Variants in TRAF3IP3 observed in about 807,000 individuals in gnomAD.
TRAF3IP3 encodes the protein TRAF3-interacting JNK-activating modulator.
A neutral mutation model predicts 86.5 loss-of-function variants in TRAF3IP3; 64 were observed. That is an observed-to-expected ratio of 0.74 (90% CI 0.60 to 0.91). The LOEUF (loss-of-function observed/expected upper bound fraction) is 0.91, where lower values mean the gene tolerates loss of function less well. Among genes scored for constraint, TRAF3IP3 ranks in the 40% least tolerant of loss-of-function variants. The probability of loss-of-function intolerance (pLI) is 0.00; values close to 1 mark genes in which losing one functional copy is unlikely to be tolerated. For missense variants in TRAF3IP3, 579 were observed against 642.9 expected (o/e 0.90, Z 1.07); for synonymous variants, 220 against 243.9 (o/e 0.90, Z 0.91).
intron 8 of TRAF3IP3, among the ~76,000 whole-genome samples, chr1:209,772,565 A>C (rs1002020750): frequency 6.6e-6 from 1 of 152,134 alleles, no homozygotes; most frequent in African/African-American, 2.4e-5. Context: ...TACATTTTAC[A>C]GGGAAAAGTC....
chr1:209,768,209 T>A (rs2077393620), intron 8 of TRAF3IP3: 1 of 985,332 alleles, frequency 1.0e-6, no homozygotes, highest in African/African-American at 1.7e-5. Context: ...TTGACCTTCA[T>A]AAATTTGAAT....
chr1:209,756,498 G>T (rs1048696002), intron 1 of TRAF3IP3, among the ~76,000 whole-genome samples, 189 bp downstream of exon 1: 1 of 152,230 alleles, frequency 6.6e-6, no homozygotes, highest in Non-Finnish European at 1.5e-5. Context: ...ATGGCACAGG[G>T]TACAGCTTGC....
At chr1:209,763,028 T>C (rs2077275111) in intron 5 of TRAF3IP3, 40 bp from the exon 6 acceptor site, 1 of 1,611,582 alleles carries the variant, frequency 6.2e-7, no homozygotes, top group Non-Finnish European at 8.5e-7. Flanking sequence ...ACTTGATTCT[T>C]TGGTCCATTA....
At chr1:209,779,220 A>T in intron 13 of TRAF3IP3, 95 bp from the exon 14 acceptor site, 1 of 971,316 alleles carries the variant, frequency 1.0e-6, no homozygotes, top group South Asian at 1.5e-5. Flanking sequence ...AGATGGGAAC[A>T]TATTTAATAA....
intron 3 of TRAF3IP3, 152 bp from the exon 4 acceptor site, chr1:209,762,363 G>A (rs2077261060): frequency 1.5e-6 from 1 of 689,132 alleles, no homozygotes; most frequent in Non-Finnish European, 2.1e-6. Flanking sequence ...CACATTGGGA[G>A]ATAGGATTTC....
rs545428227 is a variant in TRAF3IP3 at position 209,758,326 on chromosome 1, C to A, written c.-159-708C>A. 1.1e-3 allele frequency among the ~76,000 whole-genome samples: 171 copies of A among 152,324 alleles called. 1 individual carries two copies. Among genetic ancestry groups the A allele is most frequent in the Non-Finnish European group, 1.9e-3 (126 of 68,036 alleles). On this transcript the variant is annotated intron_variant, in intron 1 of 16. Coordinates refer to ENST00000367025, the MANE Select transcript of TRAF3IP3 (RefSeq NM_025228.4). Reference sequence around the variant, plus strand: ...GACAAACATTAATAACCTCACATTTCTGCTTGGAATCAATGCTGCCTGACA... The same window carrying A: ...GACAAACATTAATAACCTCACATTTATGCTTGGAATCAATGCTGCCTGACA...
chr1:209,771,530 T>C (rs1313182166), intron 8 of TRAF3IP3, among the ~76,000 whole-genome samples: 2 of 138,412 alleles, frequency 1.4e-5, no homozygotes, highest in Non-Finnish European at 3.0e-5. Flanking sequence ...TGTGTGCAGG[T>C]GGAGGTACGT....
At position 209,756,171 on chromosome 1, in the gene TRAF3IP3, TTAA is replaced by T. The variant is rs1161173734; in HGVS notation, c.-296_-294del. ...AAAGACGGTACCAAGAAGGGACGTG[TTAA>T]TGGGGCCCAGACCTATGGATTGAAA... is the stretch of plus-strand genomic sequence containing the variant. On this transcript the variant is annotated 5_prime_UTR_variant, in exon 1 of 17. An upstream start codon of the reference 5' UTR is lost. Coordinates refer to ENST00000367025, the MANE Select transcript of TRAF3IP3 (RefSeq NM_025228.4). 1 of 152,298 alleles carries T rather than the reference TTAA, an allele frequency of 6.6e-6. No homozygotes were observed. Among genetic ancestry groups the T allele is most frequent in the African/African-American group, 2.4e-5 (1 of 41,440 alleles). 9.4% of individuals were successfully genotyped at this position (152,298 alleles called of 1,614,324 possible).
chr1:209,769,418 G>C (rs531779615), intron 8 of TRAF3IP3, among the ~76,000 whole-genome samples: 1 of 152,372 alleles, frequency 6.6e-6, no homozygotes, highest in East Asian at 1.9e-4. Flanking sequence ...GCTTATTGTA[G>C]ATGCCAAATC....
At chr1:209,762,401 TAAAC>T in intron 3 of TRAF3IP3, 110 bp from the exon 4 acceptor site, 1 of 1,113,712 alleles carries the variant, frequency 9.0e-7, no homozygotes, top group African/African-American at 1.6e-5. Context: ...GGGGGGACAA[TAAAC>T]ACTCAGTCCA....
intron 9 of TRAF3IP3, among the ~76,000 whole-genome samples, chr1:209,773,361 C>T (rs1405028440): frequency 6.6e-6 from 1 of 152,206 alleles, no homozygotes; most frequent in Non-Finnish European, 1.5e-5. Flanking sequence ...CAGCCCTTTA[C>T]GCATCCTAAT....
chr1:209,765,083 G>A (rs1319597559), intron 8 of TRAF3IP3, among the ~76,000 whole-genome samples: 6 of 151,994 alleles, frequency 3.9e-5, no homozygotes, highest in East Asian at 1.9e-4. Flanking sequence ...GCTGGGCCAC[G>A]AGAATCGCTT....
chr1:209,768,519 C>T (rs1225287186), intron 8 of TRAF3IP3: 1 of 985,548 alleles, frequency 1.0e-6, no homozygotes. Flanking sequence ...TTGGCTGAAG[C>T]CCTAAGCAAC....
In TRAF3IP3 at chr1:209,779,133, A is replaced by G. The variant is rs985052930; in HGVS notation, c.1253-182A>G. On this transcript the variant is annotated intron_variant, in intron 13 of 16. Transcript: ENST00000367025. Reference sequence around the variant, plus strand: ...TTATCTTTTAAAGAATCTATCTCCAAATAAGGTCATTATTTAAGGTACTGA... The same window carrying G: ...TTATCTTTTAAAGAATCTATCTCCAGATAAGGTCATTATTTAAGGTACTGA... 9.9e-6 allele frequency: 6 copies of G among 603,808 alleles called. No homozygotes were observed. In the African/African-American group the frequency reaches 1.1e-4, roughly 11 times the overall value. The allele number at this position is 603,808 out of a possible 1,614,324, so 37.4% of individuals were successfully genotyped here.
At chr1:209,778,323 C>T in intron 13 of TRAF3IP3, 150 bp downstream of exon 13, 1 of 597,538 alleles carries the variant, frequency 1.7e-6, no homozygotes, top group East Asian at 2.9e-5. Flanking sequence ...AAAGTGAGGT[C>T]ATTTACATAG....
chr1:209,782,043 T>C lies in TRAF3IP3; in HGVS notation c.1564-13T>C. ...TCATGGCCACTTTCTTCTGTCTCCC[T>C]GTCCCCCTACAGAGGCAATGTGGGC... On this transcript the variant is annotated splice_polypyrimidine_tract_variant and intron_variant, in intron 16 of 16. Coordinates refer to ENST00000367025, the MANE Select transcript of TRAF3IP3 (RefSeq NM_025228.4). 3 of 1,609,882 alleles carry C rather than the reference T, an allele frequency of 1.9e-6. No individual in the cohort carries two copies. Among genetic ancestry groups the C allele is most frequent in the Non-Finnish European group, 2.6e-6 (3 of 1,176,112 alleles).
At chr1:209,771,270 G>A (rs541003222) in intron 8 of TRAF3IP3, among the ~76,000 whole-genome samples, 1 of 144,512 alleles carries the variant, frequency 6.9e-6, no homozygotes, top group African/African-American at 2.6e-5. Flanking sequence ...TCCCTACGGA[G>A]GTGTGCATCT....
At chr1:209,777,298 A>G in intron 11 of TRAF3IP3, 54 bp from the exon 12 acceptor site, 1 of 1,503,052 alleles carries the variant, frequency 6.7e-7, no homozygotes. Context: ...CCGCCCCCCA[A>G]CCTCCACCCC....
At chr1:209,761,889 A>G (rs71636133) in intron 3 of TRAF3IP3, among the ~76,000 whole-genome samples, 1 of 152,260 alleles carries the variant, frequency 6.6e-6, no homozygotes, top group East Asian at 1.9e-4. Context: ...AAAAAAAACA[A>G]CAACTAGAGA....
Sources: allele counts gnomAD v4.1 joint callset (sites outside exome capture counted in the v4.1 genomes callset), GRCh38; gene constraint gnomAD v4.1.1; transcripts MANE v1.5; gene names NCBI Gene and HGNC (gene_info 2026-07-23, HGNC 2026-07-21).